The following PRRC2B variants were observed in gnomAD, a reference collection of about 807,000 sequenced individuals.
PRRC2B encodes the protein proline rich coiled-coil 2B, also known as protein PRRC2B.
Under a neutral mutation model 242.3 loss-of-function variants are expected in PRRC2B, and 68 were observed. The observed-to-expected ratio is 0.28, with a 90% CI of 0.23 to 0.34. The LOEUF (loss-of-function observed/expected upper bound fraction) is 0.34. Ranked by LOEUF, PRRC2B falls within the 10% of genes least tolerant of loss-of-function variation. PRRC2B has a pLI of 1.00. For synonymous variants in PRRC2B, 1,228 were observed against 1,173.6 expected (o/e 1.05, Z -0.95); for missense variants, 2,835 against 2,954.8 (o/e 0.96, Z 0.94).
Position 131,465,067 on chromosome 9 carries a change from C to T in PRRC2B, c.1709C>T (p.Ala570Val). 6.2e-7 allele frequency: 1 copy of T among 1,612,912 alleles called. No individual in the cohort carries two copies. The highest frequency in any genetic ancestry group is 8.5e-7 in the Non-Finnish European group (1 of 1,179,186). The change falls in exon 12 of 32, where the codon GCT becomes GTT. Residue 570 changes from alanine (A) to valine (V), a missense_variant. By Grantham distance (64) the Ala-to-Val change is moderately conservative. This residue lies in a region of PRRC2B where 1,536 missense variants were observed against 1,483.1 expected (regional missense o/e 1.04). Transcript: ENST00000683519. ...GCATCTCCCCAGGAAAACGGCCCTG[C>T]TGTCCACAAAGGTAAGAGCTGGGCC... is the stretch of plus-strand genomic sequence containing the variant. ...EKASPQENGPAVHKGSPEFPA... is the reference protein window; with the variant it reads ...EKASPQENGPVVHKGSPEFPA...
intron 1 of PRRC2B, among the ~76,000 whole-genome samples, chr9:131,374,479 G>T (rs138775466): frequency 6.6e-6 from 1 of 152,060 alleles, no homozygotes; most frequent in East Asian, 1.9e-4. Flanking sequence ...ACGCCACTCG[G>T]CATCAGTCTG....
In PRRC2B at chr9:131,432,775, G is replaced by T. The variant is rs767401649; in HGVS notation, c.274G>T (p.Asp92Tyr). 1.4e-5 allele frequency: 22 copies of T among 1,614,034 alleles called. No homozygotes were observed. Among genetic ancestry groups the T allele is most frequent in the Non-Finnish European group, 1.8e-5 (21 of 1,179,894 alleles). The part of the protein sequence containing the change: ...KDGTGWANKQ[D>Y]QQDPKSSSAT... ...CGGGACGGGATGGGCAAACAAGCAG[G>T]ATCAGCAAGACCCAAAGAGGTAAAC... The change falls in exon 3 of 32, where the codon GAT becomes TAT. Residue 92 changes from aspartate to tyrosine, a missense_variant. Asp to Tyr is a radical substitution (Grantham distance 160, BLOSUM62 -3). Around this residue, in one of 7 missense-constraint regions of PRRC2B, gnomAD observed 626 missense variants for 685.5 expected, o/e 0.91. Coordinates refer to ENST00000683519, the MANE Select transcript of PRRC2B (RefSeq NM_013318.4).
At position 131,467,744 on chromosome 9, in the gene PRRC2B, A is replaced by G. The variant is rs375441747; in HGVS notation, c.1902A>G (p.Gln634=). ...LPPRFQRQQQ[Q]QQQEQLYKMQ... ...CCCGATTCCAGCGCCAGCAGCAGCA[A>G]CAACAGCAGGTAAACAGATGAGATG... is the stretch of plus-strand genomic sequence containing the variant. Residue 634 remains glutamine (Q), a synonymous_variant, in exon 13 of 32, where the codon CAA becomes CAG. Coordinates refer to ENST00000683519, the MANE Select transcript of PRRC2B (RefSeq NM_013318.4). The G allele has an allele frequency of 1.2e-5, 19 of 1,613,840 alleles. No individual in the cohort carries two copies. In the African/African-American group the frequency reaches 2.1e-4, roughly 18 times the overall value.
chr9:131,484,821 C>T (rs781404191), intron 24 of PRRC2B, 31 bp downstream of exon 24: 4 of 1,577,488 alleles, frequency 2.5e-6, no homozygotes, highest in African/African-American at 2.7e-5. Context: ...GGTGAGGGCC[C>T]ACCCAGTACC....
chr9:131,439,212 C>T (rs1838475102), intron 5 of PRRC2B, among the ~76,000 whole-genome samples, 151 bp downstream of exon 5: 1 of 152,214 alleles, frequency 6.6e-6, no homozygotes, highest in Admixed American at 6.5e-5. Flanking sequence ...TGCCTGTGCA[C>T]AGCGGGCGCT....
intron 1 of PRRC2B, among the ~76,000 whole-genome samples, chr9:131,375,155 C>T (rs2991206): frequency 0.099 from 15,136 of 152,238 alleles, 927 homozygotes; most frequent in Admixed American, 0.18. Flanking sequence ...GTAATCCCAG[C>T]ACTTTGGGAG....
intron 1 of PRRC2B, among the ~76,000 whole-genome samples, chr9:131,407,666 C>T (rs1165090344): frequency 1.3e-5 from 2 of 152,242 alleles, no homozygotes; most frequent in African/African-American, 4.8e-5. Flanking sequence ...CCTTTTAGCT[C>T]CCACTTCAGT....
intron 28 of PRRC2B, among the ~76,000 whole-genome samples, chr9:131,489,121 C>T (rs1039190183): frequency 6.6e-6 from 1 of 152,044 alleles, no homozygotes; most frequent in Non-Finnish European, 1.5e-5. Context: ...CTCTCAGTGT[C>T]CCTCTCAGTT....
At chr9:131,432,485 C>G in intron 2 of PRRC2B, 132 bp from the exon 3 acceptor site, 1 of 787,446 alleles carries the variant, frequency 1.3e-6, no homozygotes, top group South Asian at 1.9e-5. Context: ...CACTGCTGGT[C>G]TGCCCTTTGT....
At position 131,448,543 on chromosome 9, in the gene PRRC2B, CAAAA is replaced by C. The variant is rs754661321; in HGVS notation, c.1120+763_1120+766del. 6.4e-3 allele frequency among the ~76,000 whole-genome samples: 256 copies of C among 39,854 alleles called. 32 individuals carry two copies. Among genetic ancestry groups the C allele is most frequent in the Middle Eastern group, 0.016 (1 of 64 alleles). 26.1% of individuals were successfully genotyped at this position (39,854 alleles called of 152,430 possible). The stretch of plus-strand genomic sequence containing the variant: ...TGGGCGACAGAGGGAGACACTGTCT[CAAAA>C]AAAAAAAAAAAAAAAAAAAAAAAGG... On this transcript the variant is annotated intron_variant, in intron 9 of 31. Coordinates refer to ENST00000683519, the MANE Select transcript of PRRC2B (RefSeq NM_013318.4).
chr9:131,473,392 C>A, intron 14 of PRRC2B, 116 bp from the exon 15 acceptor site: 1 of 718,312 alleles, frequency 1.4e-6, no homozygotes, highest in South Asian at 1.9e-5. Flanking sequence ...GGGTGGGGTG[C>A]TGTATCCACA....
Position 131,500,048 on chromosome 9 carries a change from G to T in PRRC2B, c.*4174G>T, listed in dbSNP as rs185497795. 9.7e-4 allele frequency: 147 copies of T among 152,254 alleles called. No individual in the cohort carries two copies. The highest frequency in any genetic ancestry group is 3.4e-3 in the African/African-American group (143 of 41,532). The allele number at this position is 152,254 out of a possible 1,614,324, so 9.4% of individuals were successfully genotyped here. ...ACCTTGGATGGGAAATCGAATCGTG[G>T]ATTCACCAGGCCGGTGCTGGCACAC... On this transcript the variant is annotated 3_prime_UTR_variant, in exon 32 of 32. Transcript: ENST00000683519.
In PRRC2B at chr9:131,446,041, G is replaced by A. The variant is rs1838789862; in HGVS notation, c.614-360G>A. The stretch of plus-strand genomic sequence containing the variant: ...TGTAGTCCAGTGCTGACCCTAAGTG[G>A]GCTGGTCAGTGTTTGTTGAAGGAAT... On this transcript the variant is annotated intron_variant, in intron 6 of 31. Transcript: ENST00000683519. This position sits in a 1 kb window ranked among gnomAD's most constrained non-coding sequence, Gnocchi z 4.1. Among the ~76,000 whole-genome samples, 1 of 152,156 alleles carries A rather than the reference G, an allele frequency of 6.6e-6. No homozygotes were observed. The highest frequency in any genetic ancestry group is 2.1e-4 in the South Asian group (1 of 4,832).
At chr9:131,465,815 G>T (rs891487556) in intron 12 of PRRC2B, among the ~76,000 whole-genome samples, 15 of 152,042 alleles carry the variant, frequency 9.9e-5, no homozygotes, top group Admixed American at 3.9e-4. Flanking sequence ...ACCTCTGCCT[G>T]CCGGGTTCAA....
rs140852797 is a variant in PRRC2B, at chr9:131,420,503, T to C, written c.-51-9591T>C. Among the ~76,000 whole-genome samples the C allele has an allele frequency of 3.0e-3, 279 of 93,294 alleles. 2 individuals are homozygous for C. Among genetic ancestry groups the C allele is most frequent in the African/African-American group, 3.4e-3 (78 of 23,244 alleles). The allele number at this position is 93,294 out of a possible 152,430, so 61.2% of individuals were successfully genotyped here. The stretch of plus-strand genomic sequence containing the variant: ...TTTCTTTCTTTCTTTCTTTTTTTTT[T>C]TTTTTTTGAGATGGAGGCTCCCTCT... On this transcript the variant is annotated intron_variant, in intron 1 of 31. Transcript: ENST00000683519.
intron 9 of PRRC2B, among the ~76,000 whole-genome samples, chr9:131,453,570 T>C (rs2966366): frequency 0.97 from 147,219 of 152,178 alleles, 71,382 homozygotes; most frequent in East Asian, 1. Flanking sequence ...CTTGCTCTGT[T>C]GCCCAAGCTG....
intron 1 of PRRC2B, among the ~76,000 whole-genome samples, chr9:131,379,055 T>C (rs500482): frequency 0.26 from 39,540 of 151,904 alleles, 5,324 homozygotes; most frequent in South Asian, 0.3. Context: ...TAAGGCAGGA[T>C]GGACATTTTG....
intron 14 of PRRC2B, among the ~76,000 whole-genome samples, chr9:131,471,651 T>G (rs771300448): frequency 9.2e-5 from 14 of 152,254 alleles, no homozygotes; most frequent in Non-Finnish European, 1.2e-4. Flanking sequence ...TGAACATGGT[T>G]GTTTTTCCAT....
chr9:131,415,476 G>A (rs932086504), intron 1 of PRRC2B, among the ~76,000 whole-genome samples: 1 of 152,246 alleles, frequency 6.6e-6, no homozygotes, highest in Non-Finnish European at 1.5e-5. Context: ...TCAGGAAGGA[G>A]GAAGGGAGAA....
Sources: allele counts gnomAD v4.1 joint callset (sites outside exome capture counted in the v4.1 genomes callset), GRCh38; gene constraint gnomAD v4.1.1; regional missense constraint gnomAD v4.1.1; non-coding constraint Gnocchi (gnomAD v3.1); transcripts MANE v1.5; gene names NCBI Gene and HGNC (gene_info 2026-07-23, HGNC 2026-07-21).